The following KDM3B variants were observed in gnomAD, a reference collection of about 807,000 sequenced individuals.
KDM3B encodes the protein lysine demethylase 3B.
KDM3B carries 10 observed loss-of-function variants against 170.0 expected under a neutral mutation model. The ratio of observed to expected loss-of-function variants is 0.06; its 90% CI spans 0.04 to 0.10. The LOEUF (loss-of-function observed/expected upper bound fraction) is 0.10, where lower values mean the gene tolerates loss of function less well. KDM3B is among the 10% of genes least tolerant of loss of function. The pLI, the probability that KDM3B is intolerant of heterozygous loss-of-function variation, is 1.00. For missense variants in KDM3B, 1,394 were observed against 2,195.2 expected (o/e 0.64, Z 7.29); for synonymous variants, 831 against 834.8 (o/e 1.00, Z 0.08).
chr5:138,398,083 T>C, intron 9 of KDM3B, 95 bp from the exon 10 acceptor site: 1 of 893,346 alleles, frequency 1.1e-6, no homozygotes. Flanking sequence ...CTGATTCCTG[T>C]TGTCTCATTT....
chr5:138,397,343 A>C (rs962855259), intron 9 of KDM3B, among the ~76,000 whole-genome samples: 6 of 151,904 alleles, frequency 3.9e-5, no homozygotes, highest in South Asian at 4.2e-4. Context: ...TCAAAAAAAA[A>C]CTAAAAAATA....
chr5:138,406,521 C>T (rs899920052), intron 11 of KDM3B, among the ~76,000 whole-genome samples: 2 of 152,072 alleles, frequency 1.3e-5, no homozygotes, highest in African/African-American at 4.8e-5. Flanking sequence ...GTGGCAGGCA[C>T]CTGTAGACCT....
At chr5:138,418,305 C>T (rs913637215) in intron 13 of KDM3B, among the ~76,000 whole-genome samples, 6 of 152,086 alleles carry the variant, frequency 3.9e-5, no homozygotes, top group Non-Finnish European at 4.4e-5. Flanking sequence ...GTCTCAAACT[C>T]CTGACATCAA....
At chr5:138,359,167 TA>T (rs1316870811) in intron 1 of KDM3B, among the ~76,000 whole-genome samples, 2 of 151,916 alleles carry the variant, frequency 1.3e-5, no homozygotes, top group Non-Finnish European at 2.9e-5. Flanking sequence ...TGTATTTATT[TA>T]TTTTTTTTTT....
At chr5:138,412,430 G>A (rs567010239) in intron 11 of KDM3B, among the ~76,000 whole-genome samples, 2 of 152,152 alleles carry the variant, frequency 1.3e-5, no homozygotes, top group East Asian at 3.9e-4. Context: ...AAGGCAGTGG[G>A]ATTGCTTGAG....
chr5:138,362,551 TACACACACACAC>T (rs370412367), intron 1 of KDM3B, among the ~76,000 whole-genome samples: 16 of 124,710 alleles, frequency 1.3e-4, no homozygotes, highest in South Asian at 9.2e-4. Context: ...TATATGTGTA[TACACACACACAC>T]ACACACACAC....
intron 20 of KDM3B, among the ~76,000 whole-genome samples, chr5:138,428,698 A>C (rs934911660): frequency 6.6e-6 from 1 of 152,172 alleles, no homozygotes; most frequent in Non-Finnish European, 1.5e-5. Context: ...AGCCTCACAA[A>C]GAGAAATGAA....
At chr5:138,365,761 G>T (rs1761728946) in intron 1 of KDM3B, among the ~76,000 whole-genome samples, 1 of 151,856 alleles carries the variant, frequency 6.6e-6, no homozygotes, top group Admixed American at 6.6e-5. Flanking sequence ...CACTTTGGGA[G>T]GCCAAGGCGG....
intron 11 of KDM3B, among the ~76,000 whole-genome samples, chr5:138,413,542 C>G: frequency 6.6e-6 from 1 of 152,278 alleles, no homozygotes; most frequent in East Asian, 1.9e-4. Context: ...ACTATATGAC[C>G]TGGCATCGCA....
intron 15 of KDM3B, among the ~76,000 whole-genome samples, chr5:138,422,870 A>G (rs192298688): frequency 6.6e-6 from 1 of 152,294 alleles, no homozygotes; most frequent in Non-Finnish European, 1.5e-5. Flanking sequence ...TTTATGACTA[A>G]TGGCTGAAAC....
At chr5:138,384,844 G>A (rs989634909) in intron 6 of KDM3B, among the ~76,000 whole-genome samples, 22 of 150,686 alleles carry the variant, frequency 1.5e-4, no homozygotes, top group African/African-American at 5.1e-4. Context: ...AACCCGTTAG[G>A]TGGAGGTTGC....
intron 2 of KDM3B, among the ~76,000 whole-genome samples, chr5:138,374,765 T>A (rs537405904): frequency 1.3e-5 from 2 of 152,350 alleles, no homozygotes; most frequent in East Asian, 3.9e-4. Context: ...GTATAACTCT[T>A]TATTCTGGGA....
At chr5:138,356,746 G>A (rs1245650290) in intron 1 of KDM3B, among the ~76,000 whole-genome samples, 1 of 146,904 alleles carries the variant, frequency 6.8e-6, no homozygotes, top group Non-Finnish European at 1.5e-5. Flanking sequence ...GGGTTCAAGC[G>A]ATTCTCCTGC....
At chr5:138,392,394 C>G in intron 8 of KDM3B, 133 bp downstream of exon 8, 1 of 948,594 alleles carries the variant, frequency 1.1e-6, no homozygotes. Context: ...GCCAAGAGGA[C>G]CTGGCAGAGG....
At chr5:138,381,272 T>A (rs1762118501) in intron 5 of KDM3B, among the ~76,000 whole-genome samples, 2 of 152,228 alleles carry the variant, frequency 1.3e-5, no homozygotes, top group African/African-American at 4.8e-5. Context: ...AGAATTAACA[T>A]CGCTAAAAGA....
At chr5:138,378,310 CT>C (rs1374746317) in intron 4 of KDM3B, among the ~76,000 whole-genome samples, 1 of 152,060 alleles carries the variant, frequency 6.6e-6, no homozygotes, top group Non-Finnish European at 1.5e-5. Flanking sequence ...AAAATCTTTG[CT>C]TTTTTAACTT....
chr5:138,424,594 T>C (rs73257896), intron 16 of KDM3B, among the ~76,000 whole-genome samples: 1,866 of 152,128 alleles, frequency 0.012, 43 homozygotes, highest in African/African-American at 0.043. Context: ...TTGGCCAACA[T>C]GGTGAAATCC....
intron 11 of KDM3B, among the ~76,000 whole-genome samples, chr5:138,409,875 G>A (rs1408202449): frequency 6.6e-6 from 1 of 152,214 alleles, no homozygotes; most frequent in Non-Finnish European, 1.5e-5. Flanking sequence ...ATCACCTGAG[G>A]TTGGGAGTTC....
At chr5:138,432,097 C>T (rs1163109984) in intron 23 of KDM3B, among the ~76,000 whole-genome samples, 6 of 152,108 alleles carry the variant, frequency 3.9e-5, no homozygotes, top group Admixed American at 3.9e-4. Context: ...TCATTTCTGT[C>T]CGTTTCAGAG....
Sources: allele counts gnomAD v4.1 joint callset (sites outside exome capture counted in the v4.1 genomes callset), GRCh38; gene constraint gnomAD v4.1.1; transcripts MANE v1.5; gene names NCBI Gene and HGNC (gene_info 2026-07-23, HGNC 2026-07-21).